Variants in CHD2 observed in about 807,000 individuals in gnomAD.
CHD2 encodes chromodomain helicase DNA binding protein 2.
Under a neutral mutation model 243.9 loss-of-function variants are expected in CHD2, and 28 were observed. The ratio of observed to expected loss-of-function variants is 0.11; its 90% CI spans 0.09 to 0.16. CHD2 has a LOEUF of 0.16. Ranked by LOEUF, CHD2 falls within the 10% of genes least tolerant of loss-of-function variation. The pLI, the probability that CHD2 is intolerant of heterozygous loss-of-function variation, is 1.00. For synonymous variants in CHD2, 775 were observed against 779.0 expected, an observed-to-expected ratio of 0.99 and a Z score of 0.09; for missense variants, 1,386 against 2,209.8, an observed-to-expected ratio of 0.63 and a Z score of 7.47.
At chr15:92,929,687 G>A (rs1011036048) in intron 5 of CHD2, among the ~76,000 whole-genome samples, 13 of 152,056 alleles carry the variant, frequency 8.5e-5, no homozygotes, top group African/African-American at 3.1e-4. Flanking sequence ...AATTTTTAAA[G>A]TCATTTTTTG....
Position 92,900,509 on chromosome 15 carries a change from CT to C in CHD2, c.-383del, listed in dbSNP as rs1378442955. ...GAACCTTTTTTTGGGAGAAAAGCAG[CT>C]TTTAGGAGCTTTCTTTTCGTGCCTT... On this transcript the variant is annotated 5_prime_UTR_variant, in exon 1 of 39. Transcript: ENST00000394196. 6 of 398,608 alleles carry C rather than the reference CT, an allele frequency of 1.5e-5. No homozygotes were observed. The highest frequency in any genetic ancestry group is 2.7e-5 in the Non-Finnish European group (6 of 226,022). The allele number at this position is 398,608 out of a possible 1,614,324, so 24.7% of individuals were successfully genotyped here.
intron 20 of CHD2, among the ~76,000 whole-genome samples, chr15:92,977,758 T>C (rs553129824): frequency 6.6e-5 from 10 of 152,344 alleles, no homozygotes; most frequent in African/African-American, 2.2e-4. Flanking sequence ...ATCTCTTTAG[T>C]GCAGTGTTTC....
At chr15:92,919,216 C>T (rs1265965227) in intron 2 of CHD2, among the ~76,000 whole-genome samples, 3 of 151,856 alleles carry the variant, frequency 2.0e-5, no homozygotes, top group East Asian at 3.9e-4. Context: ...GGCTGGAGTG[C>T]AGTGGCACGA....
chr15:92,926,737 G>C (rs2053068753), intron 3 of CHD2, among the ~76,000 whole-genome samples: 1 of 152,176 alleles, frequency 6.6e-6, no homozygotes, highest in Non-Finnish European at 1.5e-5. Flanking sequence ...CTAGCTAAGT[G>C]TTAGCAATGC....
intron 17 of CHD2, among the ~76,000 whole-genome samples, chr15:92,969,228 C>G (rs1387104924): frequency 6.6e-6 from 1 of 152,214 alleles, no homozygotes; most frequent in African/African-American, 2.4e-5. Context: ...GTTTTTATCA[C>G]TTGCAATTTA....
At chr15:92,910,315 A>G (rs1159706656) in intron 2 of CHD2, among the ~76,000 whole-genome samples, 1 of 152,180 alleles carries the variant, frequency 6.6e-6, no homozygotes, top group Non-Finnish European at 1.5e-5. Context: ...TAACCCTCCT[A>G]AAGTTAACCA....
Position 92,979,232 on chromosome 15 carries a change from G to A in CHD2, c.2825G>A (p.Arg942His). 6.2e-7 allele frequency: 1 copy of A among 1,614,048 alleles called. No homozygotes were observed. Among genetic ancestry groups the A allele is most frequent in the Non-Finnish European group, 8.5e-7 (1 of 1,180,012 alleles). The change falls in exon 22 of 39, where the codon CGC (arginine) becomes CAC (histidine). Residue 942 changes from arginine (R) to histidine (H), a missense_variant. Around this residue, in one of 19 missense-constraint regions of CHD2, gnomAD observed 18 missense variants for 115.3 expected, o/e 0.16. Transcript: ENST00000394196. The part of the protein sequence containing the change: ...KMVLDHLVIQ[R>H]MDTTGRTILE... ...GTATTAGATCATCTGGTGATTCAGCGCATGGACACCACTGGCCGGACGATC... is the reference window on the plus strand; with the variant it reads ...GTATTAGATCATCTGGTGATTCAGCACATGGACACCACTGGCCGGACGATC...
intron 2 of CHD2, chr15:92,904,431 T>A: frequency 1.1e-5 from 11 of 987,510 alleles, no homozygotes; most frequent in Non-Finnish European, 1.3e-5. Flanking sequence ...CAGTGACGTC[T>A]GGCCGCGTGC....
chr15:92,927,223 C>T (rs758424943), intron 3 of CHD2, 21 bp from the exon 4 acceptor site: 28 of 1,544,396 alleles, frequency 1.8e-5, no homozygotes, highest in African/African-American at 2.7e-5. Flanking sequence ...AAGATTAATG[C>T]GTGGTCTCTT....
At chr15:92,978,511 C>T (rs1324260934) in intron 21 of CHD2, 128 bp downstream of exon 21, 1 of 938,954 alleles carries the variant, frequency 1.1e-6, no homozygotes, top group African/African-American at 1.6e-5. Context: ...GCATTGATTT[C>T]TGTTTGTTAA....
chr15:92,953,688 G>A, intron 14 of CHD2, 115 bp downstream of exon 14: 1 of 920,088 alleles, frequency 1.1e-6, no homozygotes, highest in Non-Finnish European at 1.7e-6. Context: ...CTGATACTGT[G>A]CTGTGTTCTC....
chr15:92,974,676 C>G (rs1247186988), intron 19 of CHD2: 18 of 480,424 alleles, frequency 3.7e-5, no homozygotes, highest in Non-Finnish European at 6.1e-5. Context: ...AAGCTTGTAA[C>G]CTTGAGTCTG....
intron 32 of CHD2, among the ~76,000 whole-genome samples, chr15:93,000,896 C>T (rs953918269): frequency 2.6e-5 from 4 of 152,188 alleles, no homozygotes; most frequent in African/African-American, 7.2e-5. Context: ...GAGATGAAGT[C>T]TCGCTCTTGT....
At chr15:92,934,199 A>G (rs1251117051) in intron 5 of CHD2, among the ~76,000 whole-genome samples, 1 of 152,164 alleles carries the variant, frequency 6.6e-6, no homozygotes, top group African/African-American at 2.4e-5. Context: ...TTCATTTCCT[A>G]CTTTACAGTT....
chr15:93,024,730 A>G lies in CHD2; in HGVS notation c.*25A>G, dbSNP rs749687510. 5.1e-6 allele frequency: 8 copies of G among 1,565,240 alleles called. No individual in the cohort carries two copies. Among genetic ancestry groups the G allele is most frequent in the Non-Finnish European group, 6.9e-6 (8 of 1,152,200 alleles). ...AAGGACAGCTCGTAAAGGAGAGAGT[A>G]AGAGTCACCAAACACGTGGATATTT... On this transcript the variant is annotated 3_prime_UTR_variant, in exon 39 of 39. Transcript: ENST00000394196.
intron 34 of CHD2, among the ~76,000 whole-genome samples, chr15:93,006,338 G>A (rs1219600748): frequency 1.3e-5 from 2 of 151,982 alleles, no homozygotes; most frequent in African/African-American, 4.8e-5. Context: ...TGTTGGTCAG[G>A]CTGGTCTAGA....
intron 37 of CHD2, among the ~76,000 whole-genome samples, chr15:93,016,641 G>C (rs2054464202): frequency 6.6e-6 from 1 of 152,054 alleles, no homozygotes; most frequent in African/African-American, 2.4e-5. Flanking sequence ...GTGAAAATTA[G>C]CTAGGCGTAG....
At chr15:92,984,555 G>T in intron 25 of CHD2, 55 bp downstream of exon 25, 2 of 1,493,526 alleles carry the variant, frequency 1.3e-6, no homozygotes, top group Non-Finnish European at 9.0e-7. Context: ...GAATGCTACA[G>T]AAGTGTTGAT....
At position 93,024,544 on chromosome 15, in the gene CHD2, C is replaced by T. The variant is rs371006816; in HGVS notation, c.5326C>T (p.Pro1776Ser). The change falls in exon 39 of 39, where the codon CCT (proline) becomes TCT (serine). Residue 1776 changes from proline to serine, a missense_variant. By Grantham distance (74) the Pro-to-Ser change is moderately conservative (BLOSUM62 -1). Transcript: ENST00000394196. ...AGATAAACTGGGGGAATATAAACAG[C>T]CTCTACCCCCATTGCACCCTGCAGT... ...HTDKLGEYKQ[P>S]LPPLHPAVSD... The T allele has an allele frequency of 6.2e-7, 1 of 1,614,238 alleles. No homozygotes were observed. The highest frequency in any genetic ancestry group is 1.1e-5 in the South Asian group (1 of 91,082).
Sources: allele counts gnomAD v4.1 joint callset (sites outside exome capture counted in the v4.1 genomes callset), GRCh38; gene constraint gnomAD v4.1.1; regional missense constraint gnomAD v4.1.1; transcripts MANE v1.5; gene names NCBI Gene and HGNC (gene_info 2026-07-23, HGNC 2026-07-21).